Variants in ANKS1B observed in about 807,000 individuals in gnomAD.
The protein encoded by ANKS1B is ankyrin repeat and sterile alpha motif domain containing 1B.
In ANKS1B, 36 loss-of-function variants were observed where a neutral mutation model predicts 148.3. That is an observed-to-expected ratio of 0.24 (90% CI 0.19 to 0.32). The LOEUF (loss-of-function observed/expected upper bound fraction) is 0.32. ANKS1B is among the 10% of genes least tolerant of loss of function. The pLI, the probability that ANKS1B is intolerant of heterozygous loss-of-function variation, is 1.00. For synonymous variants in ANKS1B, 542 were observed against 560.8 expected (o/e 0.97, Z 0.47); for missense variants, 1,157 against 1,542.6 (o/e 0.75, Z 4.19).
At chr12:99,010,366 G>A (rs1023224452) in intron 17 of ANKS1B, among the ~76,000 whole-genome samples, 2 of 152,160 alleles carry the variant, frequency 1.3e-5, no homozygotes, top group African/African-American at 4.8e-5. Flanking sequence ...AGAGCACATG[G>A]CATAGAGTAA....
chr12:99,776,831 C>T (rs2063701757), intron 6 of ANKS1B, among the ~76,000 whole-genome samples: 2 of 152,092 alleles, frequency 1.3e-5, no homozygotes, highest in South Asian at 4.2e-4. Flanking sequence ...CAGATATGTG[C>T]CACCACACCC....
intron 12 of ANKS1B, among the ~76,000 whole-genome samples, chr12:99,268,720 A>G (rs535166294): frequency 1.3e-5 from 2 of 152,360 alleles, no homozygotes; most frequent in East Asian, 3.9e-4. Flanking sequence ...TTAAAAAACA[A>G]TCACTTTCCT....
At chr12:99,458,779 G>A (rs1334678367) in intron 10 of ANKS1B, among the ~76,000 whole-genome samples, 15 of 151,014 alleles carry the variant, frequency 9.9e-5, no homozygotes, top group South Asian at 2.1e-4. Context: ...AAAAGTTACC[G>A]AGAAAAAAAG....
intron 17 of ANKS1B, among the ~76,000 whole-genome samples, chr12:98,943,215 G>A (rs1224383819): frequency 6.6e-6 from 1 of 152,158 alleles, no homozygotes; most frequent in Non-Finnish European, 1.5e-5. Flanking sequence ...TGTTTGATAA[G>A]GTGGATTGGA....
At chr12:99,136,840 T>A (rs530450776) in intron 15 of ANKS1B, among the ~76,000 whole-genome samples, 2 of 152,312 alleles carry the variant, frequency 1.3e-5, no homozygotes, top group East Asian at 1.9e-4. Context: ...TCATTTTTTT[T>A]AAAGTGTGCT....
At chr12:99,318,178 A>G (rs1312867362) in intron 12 of ANKS1B, among the ~76,000 whole-genome samples, 2 of 152,194 alleles carry the variant, frequency 1.3e-5, no homozygotes, top group Non-Finnish European at 2.9e-5. Flanking sequence ...TGCTGTCCTC[A>G]TAAAATGAGT....
intron 9 of ANKS1B, among the ~76,000 whole-genome samples, chr12:99,582,570 G>A (rs74940569): frequency 0.066 from 10,118 of 152,208 alleles, 796 homozygotes; most frequent in African/African-American, 0.19. Flanking sequence ...CTATGTGAAT[G>A]AATTCAGGAC....
chr12:99,967,142 T>C (rs1171817809), intron 1 of ANKS1B, among the ~76,000 whole-genome samples: 1 of 152,200 alleles, frequency 6.6e-6, no homozygotes, highest in Non-Finnish European at 1.5e-5. Context: ...TGATTTATAA[T>C]TATGAATAAT....
chr12:98,854,562 A>G (rs1412839662), intron 17 of ANKS1B, among the ~76,000 whole-genome samples: 1 of 152,246 alleles, frequency 6.6e-6, no homozygotes, highest in Non-Finnish European at 1.5e-5. Flanking sequence ...TTAGATTTTA[A>G]CACTTGCACT....
chr12:99,429,891 G>A (rs1052595946), intron 11 of ANKS1B, among the ~76,000 whole-genome samples: 1 of 152,076 alleles, frequency 6.6e-6, no homozygotes, highest in East Asian at 1.9e-4. Flanking sequence ...GTGAACCCGG[G>A]AGGCGAAGCT....
intron 12 of ANKS1B, among the ~76,000 whole-genome samples, chr12:99,252,657 A>G (rs567156201): frequency 4.1e-4 from 62 of 152,308 alleles, no homozygotes; most frequent in Middle Eastern, 3.4e-3. Context: ...TGGAACCCAG[A>G]AATTGCCATC....
intron 17 of ANKS1B, among the ~76,000 whole-genome samples, chr12:98,942,102 A>T (rs1247613981): frequency 6.6e-6 from 1 of 151,954 alleles, no homozygotes; most frequent in Non-Finnish European, 1.5e-5. Flanking sequence ...TTAGCCGGGC[A>T]TGGTGGTATG....
At chr12:99,842,161 C>T (rs371882774) in intron 1 of ANKS1B, among the ~76,000 whole-genome samples, 2 of 152,092 alleles carry the variant, frequency 1.3e-5, no homozygotes, top group South Asian at 2.1e-4. Flanking sequence ...TTTTTCATTT[C>T]AATTATTATA....
Position 98,744,298 on chromosome 12 carries a change from T to A in ANKS1B, c.*1441A>T. 2.1e-6 allele frequency: 2 copies of A among 935,566 alleles called. No homozygotes were observed. The highest frequency in any genetic ancestry group is 2.6e-6 in the Non-Finnish European group (2 of 784,206). The allele number at this position is 935,566 out of a possible 1,614,324, so 58.0% of individuals were successfully genotyped here. A position where few individuals can be genotyped will look rare whatever the true frequency, so the allele number is the denominator to read the frequency against. Reference sequence around the variant, plus strand: ...ATACATTTGTTAGTTTGAAATAAAATGTAGTTATTCTTCAAAACTCACCAA... The same window carrying A: ...ATACATTTGTTAGTTTGAAATAAAAAGTAGTTATTCTTCAAAACTCACCAA... On this transcript the variant is annotated 3_prime_UTR_variant, in exon 27 of 27. Transcript: ENST00000683438.
rs148368016 is a variant in ANKS1B at position 99,127,181 on chromosome 12, G to A, written c.2526+27108C>T. ...GAATAATTTGCCTATAAAATATCAC[G>A]TTGAATTTGGGAGGCTGAATATGGT... is the stretch of plus-strand genomic sequence containing the variant. On this transcript the variant is annotated intron_variant, in intron 15 of 26. Coordinates refer to ENST00000683438, the MANE Select transcript of ANKS1B (RefSeq NM_001352186.2). Among the ~76,000 whole-genome samples, 362 of 152,224 alleles carry A rather than the reference G, an allele frequency of 2.4e-3. 2 individuals are homozygous for A. Among genetic ancestry groups the A allele is most frequent in the African/African-American group, 8.6e-3 (358 of 41,530 alleles).
intron 12 of ANKS1B, among the ~76,000 whole-genome samples, chr12:99,284,807 G>T (rs1187499957): frequency 6.6e-6 from 1 of 152,016 alleles, no homozygotes; most frequent in East Asian, 1.9e-4. Context: ...GGTTTTTTGT[G>T]ATCCGGCCCC....
Position 99,078,019 on chromosome 12 carries a change from T to C in ANKS1B, c.2625+6906A>G, listed in dbSNP as rs568293388. ...TTTATGAAAGAAACCCACAGTTTTT[T>C]TGGGGGGTGAGGAGGGGCAGGACTT... On this transcript the variant is annotated intron_variant, in intron 16 of 26. Coordinates refer to ENST00000683438, the MANE Select transcript of ANKS1B (RefSeq NM_001352186.2). Among the ~76,000 whole-genome samples, 3 of 152,286 alleles carry C rather than the reference T, an allele frequency of 2.0e-5. No homozygotes were observed. The East Asian group carries it at 5.8e-4, about 29-fold the overall frequency.
chr12:99,720,896 A>G (rs2058017524), intron 8 of ANKS1B, among the ~76,000 whole-genome samples: 1 of 152,184 alleles, frequency 6.6e-6, no homozygotes, highest in Non-Finnish European at 1.5e-5. Flanking sequence ...TCCTGGTGCT[A>G]TCCCAAACTG....
At chr12:99,982,573 G>A (rs1465104758) in intron 1 of ANKS1B, among the ~76,000 whole-genome samples, 2 of 152,120 alleles carry the variant, frequency 1.3e-5, no homozygotes, top group African/African-American at 2.4e-5. Context: ...CACAGCAAAC[G>A]TTGTTATTTT....
Sources: allele counts gnomAD v4.1 joint callset (sites outside exome capture counted in the v4.1 genomes callset), GRCh38; gene constraint gnomAD v4.1.1; transcripts MANE v1.5; gene names NCBI Gene and HGNC (gene_info 2026-07-23, HGNC 2026-07-21).